ROBO1: variants seen among roughly 807,000 people sequenced by gnomAD.
ROBO1 encodes roundabout guidance receptor 1.
In ROBO1, 149 loss-of-function variants were observed where a neutral mutation model predicts 195.9. The ratio of observed to expected loss-of-function variants is 0.76; its 90% confidence interval spans 0.67 to 0.87. ROBO1 has a LOEUF of 0.87. Ranked by LOEUF, ROBO1 falls within the 40% of genes least tolerant of loss-of-function variation. The pLI is 0.00. For missense variants in ROBO1, 1,933 were observed against 2,068.3 expected, an observed-to-expected ratio of 0.93 and a Z score of 1.27; for synonymous variants, 816 against 733.2, an observed-to-expected ratio of 1.11 and a Z score of -1.82.
intron 2 of ROBO1, among the ~76,000 whole-genome samples, chr3:79,220,971 C>T (rs1198733163): frequency 6.6e-6 from 1 of 152,014 alleles, no homozygotes; most frequent in Non-Finnish European, 1.5e-5. Flanking sequence ...CTTTCTCCCA[C>T]AACCTTAACC....
intron 2 of ROBO1, among the ~76,000 whole-genome samples, chr3:79,412,095 T>A (rs1211092826): frequency 6.6e-6 from 1 of 152,116 alleles, no homozygotes; most frequent in Non-Finnish European, 1.5e-5. Context: ...TTACTGGGAA[T>A]GGAAACCTGG....
chr3:79,023,692 C>A (rs911385076), intron 3 of ROBO1, among the ~76,000 whole-genome samples: 13 of 85,786 alleles, frequency 1.5e-4, no homozygotes, highest in Admixed American at 2.6e-4. Context: ...TTTTTTGAGA[C>A]AGAGTTTTTT....
intron 2 of ROBO1, among the ~76,000 whole-genome samples, chr3:79,417,341 G>A (rs1476174238): frequency 6.6e-6 from 1 of 152,138 alleles, no homozygotes; most frequent in Non-Finnish European, 1.5e-5. Flanking sequence ...CCACTAACCA[G>A]AAGGGAACTG....
At chr3:78,696,716 G>GTATATATACATATATATACACA (rs1559756824) in intron 8 of ROBO1, among the ~76,000 whole-genome samples, 6 of 138,532 alleles carry the variant, frequency 4.3e-5, no homozygotes, top group African/African-American at 8.0e-5. Flanking sequence ...ATATATACAC[G>GTATATATACATATATATACACA]TATATATACA....
chr3:78,605,753 CTTTAT>C (rs760460185), intron 29 of ROBO1, among the ~76,000 whole-genome samples: 12 of 152,106 alleles, frequency 7.9e-5, no homozygotes, highest in African/African-American at 2.2e-4. Flanking sequence ...TTTCCCTGTT[CTTTAT>C]TTTATTTTTT....
chr3:79,208,722 C>T lies in ROBO1; in HGVS notation c.89-83183G>A, dbSNP rs986853006. Among the ~76,000 whole-genome samples, 468 of 132,036 alleles carry T rather than the reference C, an allele frequency of 3.5e-3. 4 individuals are homozygous for T. Among genetic ancestry groups the T allele is most frequent in the African/African-American group, 0.015 (437 of 30,012 alleles). The allele number at this position is 132,036 out of a possible 152,430, so 86.6% of individuals were successfully genotyped here. A position where few individuals can be genotyped will look rare whatever the true frequency, so the allele number is the denominator to read the frequency against. On this transcript the variant is annotated intron_variant, in intron 2 of 30. Coordinates refer to ENST00000464233, the MANE Select transcript of ROBO1 (RefSeq NM_002941.4). ...GTGTGTGTGTGTGTGTGTGTGTGTG[C>T]GCCTGCATGCATGTGTGTTGTGTAT... is the stretch of plus-strand genomic sequence containing the variant.
intron 4 of ROBO1, among the ~76,000 whole-genome samples, chr3:78,893,589 A>C (rs1173565785): frequency 1.3e-5 from 2 of 152,204 alleles, no homozygotes; most frequent in South Asian, 4.1e-4. Flanking sequence ...CTTATGTATA[A>C]ATATTAGCTA....
chr3:78,779,041 C>T (rs1370505092), intron 4 of ROBO1, among the ~76,000 whole-genome samples: 1 of 152,090 alleles, frequency 6.6e-6, no homozygotes, highest in African/African-American at 2.4e-5. Context: ...GCTGGGAAAA[C>T]GGGCAAGCCA....
chr3:79,025,616 A>G (rs926201226), intron 3 of ROBO1, among the ~76,000 whole-genome samples: 2 of 145,030 alleles, frequency 1.4e-5, no homozygotes, highest in African/African-American at 5.2e-5. Context: ...TCTAATATAT[A>G]GTTCAACCAC....
intron 3 of ROBO1, among the ~76,000 whole-genome samples, chr3:79,107,604 T>C (rs2108524956): frequency 6.6e-6 from 1 of 151,848 alleles, no homozygotes; most frequent in Admixed American, 6.6e-5. Flanking sequence ...ACTGCTTGCA[T>C]ATTAAAATGT....
At chr3:79,006,337 G>C (rs1019817660) in intron 3 of ROBO1, among the ~76,000 whole-genome samples, 1 of 152,006 alleles carries the variant, frequency 6.6e-6, no homozygotes, top group African/African-American at 2.4e-5. Context: ...AAGAAGAGGG[G>C]CAAACACCAG....
intron 1 of ROBO1, among the ~76,000 whole-genome samples, chr3:79,766,437 A>T (rs943807673): frequency 1.3e-5 from 2 of 150,982 alleles, no homozygotes; most frequent in Admixed American, 1.3e-4. Context: ...CCCCCACCCC[A>T]CCCATCTGCG....
chr3:79,744,192 G>A (rs962928205), intron 1 of ROBO1, among the ~76,000 whole-genome samples: 2 of 152,018 alleles, frequency 1.3e-5, no homozygotes, highest in African/African-American at 2.4e-5. Context: ...TTCATTAAGC[G>A]ATAGTTATTT....
At chr3:79,371,202 A>G (rs144338366) in intron 2 of ROBO1, among the ~76,000 whole-genome samples, 1 of 152,324 alleles carries the variant, frequency 6.6e-6, no homozygotes, top group East Asian at 1.9e-4. Context: ...GTGTATAACC[A>G]GTAACGAGAT....
chr3:78,746,130 C>T (rs903529675), intron 5 of ROBO1, among the ~76,000 whole-genome samples: 18 of 152,120 alleles, frequency 1.2e-4, no homozygotes, highest in Non-Finnish European at 2.2e-4. Flanking sequence ...TATAGAATCA[C>T]GGCTGTCAAG....
At chr3:79,096,198 A>C (rs2108500048) in intron 3 of ROBO1, among the ~76,000 whole-genome samples, 1 of 151,898 alleles carries the variant, frequency 6.6e-6, no homozygotes, top group East Asian at 1.9e-4. Flanking sequence ...AATGTAGAAG[A>C]TCCTATTTTG....
chr3:79,314,246 C>T (rs2033626415), intron 2 of ROBO1, among the ~76,000 whole-genome samples: 1 of 151,950 alleles, frequency 6.6e-6, no homozygotes, highest in Non-Finnish European at 1.5e-5. Context: ...AATAAAAAAC[C>T]TGATGTAAGA....
At chr3:78,766,594 T>G (rs145963502) in intron 4 of ROBO1, among the ~76,000 whole-genome samples, 9 of 152,312 alleles carry the variant, frequency 5.9e-5, no homozygotes, top group Non-Finnish European at 1.3e-4. Flanking sequence ...CTTTACTGAT[T>G]TGGATGCCCT....
intron 2 of ROBO1, among the ~76,000 whole-genome samples, chr3:79,404,251 A>G (rs954024478): frequency 6.6e-6 from 1 of 152,044 alleles, no homozygotes; most frequent in Non-Finnish European, 1.5e-5. Context: ...ATGATCAACA[A>G]AGTTACACTG....
Sources: allele counts gnomAD v4.1 joint callset (sites outside exome capture counted in the v4.1 genomes callset), GRCh38; gene constraint gnomAD v4.1.1; transcripts MANE v1.5; gene names NCBI Gene and HGNC (gene_info 2026-07-23, HGNC 2026-07-21).